Variants in DTNA observed in about 807,000 individuals in gnomAD.
The protein encoded by DTNA is dystrophin-related protein 3.
DTNA carries 43 observed loss-of-function variants against 100.7 expected under a neutral mutation model. The ratio of observed to expected loss-of-function variants is 0.43; its 90% confidence interval spans 0.33 to 0.55. The LOEUF (loss-of-function observed/expected upper bound fraction) is 0.55. Among genes scored for constraint, DTNA ranks in the 20% least tolerant of loss-of-function variants. The probability of loss-of-function intolerance (pLI) is 0.04; values close to 1 mark genes in which losing one functional copy is unlikely to be tolerated. For synonymous variants in DTNA, 349 were observed against 347.9 expected (o/e 1.00, Z -0.04); for missense variants, 798 against 953.9 (o/e 0.84, Z 2.15).
intron 17 of DTNA, among the ~76,000 whole-genome samples, chr18:34,864,280 T>C (rs2096666866): frequency 1.3e-5 from 2 of 148,980 alleles, no homozygotes; most frequent in South Asian, 4.3e-4. Flanking sequence ...AGACGGAGTC[T>C]TGCTCTGTCG....
intron 16 of DTNA, among the ~76,000 whole-genome samples, chr18:34,863,476 G>A (rs536778648): frequency 6.6e-6 from 1 of 152,282 alleles, no homozygotes; most frequent in Admixed American, 6.5e-5. Flanking sequence ...TCACCTCTGA[G>A]AGACACCTCA....
chr18:34,753,366 ATTT>A (rs757853063), intron 1 of DTNA, among the ~76,000 whole-genome samples: 13 of 133,158 alleles, frequency 9.8e-5, no homozygotes, highest in Non-Finnish European at 1.7e-4. Context: ...TATTTATTTT[ATTT>A]TTTTTTTTTT....
chr18:34,656,793 C>T (rs181517069), intron 1 of DTNA, among the ~76,000 whole-genome samples: 17 of 152,106 alleles, frequency 1.1e-4, no homozygotes, highest in Non-Finnish European at 2.1e-4. Flanking sequence ...CATAGTAATG[C>T]CGTTATCTAA....
chr18:34,706,634 A>G (rs900863919), upstream of DTNA, among the ~76,000 whole-genome samples: 1 of 152,134 alleles, frequency 6.6e-6, no homozygotes, highest in South Asian at 2.1e-4. Context: ...AAAAACGGAT[A>G]TTTTCTGTGA....
intron 1 of DTNA, among the ~76,000 whole-genome samples, chr18:34,554,800 C>T (rs979737390): frequency 2.6e-4 from 39 of 148,340 alleles, no homozygotes; most frequent in Non-Finnish European, 4.8e-4. Context: ...AGGATTTTTG[C>T]ATCAATGTTC....
intron 1 of DTNA, among the ~76,000 whole-genome samples, chr18:34,498,442 T>A (rs28406091): frequency 1.4e-5 from 2 of 141,850 alleles, no homozygotes; most frequent in African/African-American, 5.1e-5. Flanking sequence ...CAGAAAATAA[T>A]ATAATAATAA....
chr18:34,540,756 T>G (rs1306985849), intron 1 of DTNA, among the ~76,000 whole-genome samples: 2 of 152,006 alleles, frequency 1.3e-5, no homozygotes, highest in Non-Finnish European at 2.9e-5. Flanking sequence ...CTATCCAGAA[T>G]AAAAAATAGA....
intron 1 of DTNA, among the ~76,000 whole-genome samples, chr18:34,701,965 A>G (rs769955940): frequency 2.9e-4 from 44 of 152,152 alleles, no homozygotes; most frequent in Non-Finnish European, 4.6e-4. Context: ...TGTTATTTTA[A>G]AAACAAAAGT....
chr18:34,877,756 TGCA>T lies in DTNA; in HGVS notation c.1943_1945del (p.Ala648del). On this transcript the variant is annotated inframe_deletion, in exon 19 of 23. Coordinates refer to ENST00000444659, the MANE Select transcript of DTNA (RefSeq NM_001386795.1). ...ACTTAAGGAATGACTTGCTAGTGGC[TGCA>T]GATTCCATCACTAACACTATGTCCT... 6.2e-7 allele frequency: 1 copy of T among 1,614,032 alleles called. No individual in the cohort carries two copies.
At chr18:34,653,048 C>T (rs2073833085) in intron 1 of DTNA, among the ~76,000 whole-genome samples, 2 of 152,160 alleles carry the variant, frequency 1.3e-5, no homozygotes, top group Non-Finnish European at 2.9e-5. Context: ...TCTTAAATGT[C>T]ACTATTTCCT....
intron 1 of DTNA, among the ~76,000 whole-genome samples, chr18:34,729,917 A>T (rs924131765): frequency 5.9e-5 from 9 of 151,970 alleles, no homozygotes; most frequent in Non-Finnish European, 1.2e-4. Flanking sequence ...TCCAGGACAC[A>T]CTAGATAAGT....
chr18:34,876,898 A>T (rs921672420), intron 18 of DTNA, among the ~76,000 whole-genome samples: 4 of 152,156 alleles, frequency 2.6e-5, no homozygotes, highest in Non-Finnish European at 5.9e-5. Context: ...TCAATTTGTG[A>T]TTTCCATTAT....
At chr18:34,696,627 A>AAT (rs1440649311) in intron 1 of DTNA, among the ~76,000 whole-genome samples, 2 of 152,146 alleles carry the variant, frequency 1.3e-5, no homozygotes, top group Non-Finnish European at 2.9e-5. Flanking sequence ...ATTGGAAAGT[A>AAT]ATTCTGTCAC....
intron 1 of DTNA, among the ~76,000 whole-genome samples, chr18:34,627,952 ATTGTTG>A (rs1011227029): frequency 2.0e-5 from 3 of 151,552 alleles, no homozygotes; most frequent in Non-Finnish European, 4.4e-5. Flanking sequence ...TTGTTTGTTT[ATTGTTG>A]TTGTTGTTGG....
Position 34,889,391 on chromosome 18 carries a change from T to C in DTNA, c.*1657T>C. ...TGTTTTAGTCAACCCTCTAGGTGAT[T>C]CTGATGCTCGCTAAAGGTTGAGAAC... is the stretch of plus-strand genomic sequence containing the variant. On this transcript the variant is annotated 3_prime_UTR_variant, in exon 23 of 23. Transcript: ENST00000444659. 5.1e-6 allele frequency: 5 copies of C among 985,276 alleles called. No individual in the cohort carries two copies. The highest frequency in any genetic ancestry group is 6.0e-6 in the Non-Finnish European group (5 of 829,804). 61.0% of individuals were successfully genotyped at this position (985,276 alleles called of 1,614,324 possible).
chr18:34,562,439 A>T (rs2046721668), intron 1 of DTNA, among the ~76,000 whole-genome samples: 1 of 152,190 alleles, frequency 6.6e-6, no homozygotes, highest in African/African-American at 2.4e-5. Flanking sequence ...ACTTTGTTCT[A>T]TTCTTAGACT....
At chr18:34,502,499 A>G (rs2040036661) in intron 1 of DTNA, among the ~76,000 whole-genome samples, 1 of 152,170 alleles carries the variant, frequency 6.6e-6, no homozygotes, top group Non-Finnish European at 1.5e-5. Context: ...ATTTAGTGCT[A>G]TAGATTTCCC....
At chr18:34,674,878 A>G (rs997301542) in intron 1 of DTNA, among the ~76,000 whole-genome samples, 2 of 152,324 alleles carry the variant, frequency 1.3e-5, no homozygotes, top group East Asian at 3.9e-4. Flanking sequence ...AGGTGCTGCA[A>G]TGAAAGACCT....
At chr18:34,739,590 C>T (rs987209695) in intron 1 of DTNA, among the ~76,000 whole-genome samples, 2 of 152,200 alleles carry the variant, frequency 1.3e-5, no homozygotes, top group Non-Finnish European at 2.9e-5. Context: ...TTCCTCACCT[C>T]CGCAATCCCT....
Sources: allele counts gnomAD v4.1 joint callset (sites outside exome capture counted in the v4.1 genomes callset), GRCh38; gene constraint gnomAD v4.1.1; transcripts MANE v1.5; gene names NCBI Gene and HGNC (gene_info 2026-07-23, HGNC 2026-07-21).